The following CCDC181 variants were observed in gnomAD, a reference collection of about 807,000 sequenced individuals.
CCDC181 encodes the protein coiled-coil domain-containing protein 181.
A neutral mutation model predicts 58.7 loss-of-function variants in CCDC181; 35 were observed. The observed-to-expected ratio is 0.60, with a 90% CI of 0.46 to 0.79. The LOEUF (loss-of-function observed/expected upper bound fraction) is 0.79, where lower values mean the gene tolerates loss of function less well. CCDC181 is among the 30% of genes least tolerant of loss of function. The probability of loss-of-function intolerance (pLI) is 0.00; values close to 1 mark genes in which losing one functional copy is unlikely to be tolerated. For synonymous variants in CCDC181, 183 were observed against 197.5 expected (o/e 0.93, Z 0.62); for missense variants, 517 against 583.9 (o/e 0.89, Z 1.18).
Position 169,439,837 on chromosome 1 carries a change from A to G in CCDC181, c.-23-14887T>C, listed in dbSNP as rs550260384. 2.6e-5 allele frequency among the ~76,000 whole-genome samples: 4 copies of G among 152,150 alleles called. No individual in the cohort carries two copies. In the East Asian group the frequency reaches 7.7e-4, roughly 29 times the overall value. On this transcript the variant is annotated intron_variant, in intron 2 of 6. Transcript: ENST00000545005. ...GCTGGAAAGGGAATAGAGTGATAAG[A>G]TGATCTTTCCCTGAAGTTCAGCCAT...
At chr1:169,446,411 T>A (rs948662497) in intron 2 of CCDC181, among the ~76,000 whole-genome samples, 4 of 152,074 alleles carry the variant, frequency 2.6e-5, no homozygotes, top group African/African-American at 9.7e-5. Context: ...ACCACTGCAC[T>A]CCAGCCTGGT....
chr1:169,409,351 A>G (rs192460820), intron 4 of CCDC181, among the ~76,000 whole-genome samples: 4 of 152,308 alleles, frequency 2.6e-5, no homozygotes, highest in Admixed American at 2.6e-4. Context: ...AAAAGAATGA[A>G]AAGGAACAAA....
At position 169,435,641 on chromosome 1, in the gene CCDC181, G is replaced by A. The variant is rs115451510; in HGVS notation, c.-23-10691C>T. The stretch of plus-strand genomic sequence containing the variant: ...TGAGTTAATCCATGTACTTAGCCCA[G>A]TGCCTGATGCATACAAAGTGCTTAA... On this transcript the variant is annotated intron_variant, in intron 2 of 6. Transcript: ENST00000545005. Among the ~76,000 whole-genome samples the A allele has an allele frequency of 2.0e-3, 300 of 152,242 alleles. 4 individuals carry two copies. The highest frequency in any genetic ancestry group is 7.0e-3 in the African/African-American group (291 of 41,544).
At chr1:169,454,985 TC>T (rs1280486114) in intron 2 of CCDC181, among the ~76,000 whole-genome samples, 1 of 152,028 alleles carries the variant, frequency 6.6e-6, no homozygotes, top group Non-Finnish European at 1.5e-5. Context: ...TTAATTATTC[TC>T]TAAAATTTAT....
intron 4 of CCDC181, among the ~76,000 whole-genome samples, chr1:169,416,080 A>G (rs1392643620): frequency 1.3e-5 from 2 of 152,246 alleles, no homozygotes; most frequent in Non-Finnish European, 2.9e-5. Flanking sequence ...AGCTGTAAGA[A>G]TCGTGTTCTA....
At chr1:169,403,540 C>T (rs958006423) in intron 4 of CCDC181, among the ~76,000 whole-genome samples, 4 of 152,228 alleles carry the variant, frequency 2.6e-5, no homozygotes, top group Admixed American at 1.3e-4. Flanking sequence ...GGAAACTGAA[C>T]AACCTGCTCC....
intron 2 of CCDC181, among the ~76,000 whole-genome samples, chr1:169,445,170 C>G (rs1050839710): frequency 9.2e-5 from 14 of 152,136 alleles, no homozygotes; most frequent in African/African-American, 3.1e-4. Flanking sequence ...ATAGCTGGCT[C>G]CTTCCTATCG....
chr1:169,398,549 G>A (rs572668340), intron 4 of CCDC181, among the ~76,000 whole-genome samples: 1 of 152,212 alleles, frequency 6.6e-6, no homozygotes, highest in African/African-American at 2.4e-5. Flanking sequence ...CTAAAGTACT[G>A]GGTTGCATTA....
intron 2 of CCDC181, among the ~76,000 whole-genome samples, chr1:169,446,894 C>T (rs1041077100): frequency 3.3e-5 from 5 of 152,128 alleles, no homozygotes; most frequent in African/African-American, 1.2e-4. Context: ...CTAAACATTG[C>T]TTTTGTTGCA....
At chr1:169,458,125 C>T (rs2101764057) in intron 2 of CCDC181, among the ~76,000 whole-genome samples, 1 of 150,394 alleles carries the variant, frequency 6.6e-6, no homozygotes, top group East Asian at 1.9e-4. Context: ...TAGTGGCTAC[C>T]ATATTGAAAA....
At chr1:169,450,589 C>T (rs1657509306) in intron 2 of CCDC181, among the ~76,000 whole-genome samples, 1 of 152,112 alleles carries the variant, frequency 6.6e-6, no homozygotes, top group African/African-American at 2.4e-5. Flanking sequence ...CTACCTTTGA[C>T]TATTATAAAT....
upstream of CCDC181, among the ~76,000 whole-genome samples, chr1:169,428,261 G>T (rs926378515): frequency 6.6e-6 from 1 of 152,068 alleles, no homozygotes; most frequent in Non-Finnish European, 1.5e-5. Context: ...CCTAGATGTG[G>T]TGTAGTTGTA....
chr1:169,458,050 G>A (rs1039235458), intron 2 of CCDC181, among the ~76,000 whole-genome samples: 1 of 151,844 alleles, frequency 6.6e-6, no homozygotes, highest in Non-Finnish European at 1.5e-5. Context: ...ATTGCTTGTG[G>A]TTCTGGCTTA....
At chr1:169,433,958 G>T (rs1310082693) in intron 2 of CCDC181, among the ~76,000 whole-genome samples, 1 of 151,962 alleles carries the variant, frequency 6.6e-6, no homozygotes, top group East Asian at 1.9e-4. Context: ...AAATACTTTT[G>T]CTCACTAGAC....
At chr1:169,413,673 G>T (rs1207726349) in intron 4 of CCDC181, among the ~76,000 whole-genome samples, 3 of 152,132 alleles carry the variant, frequency 2.0e-5, no homozygotes, top group Non-Finnish European at 4.4e-5. Context: ...TATATACCAT[G>T]GAATAGTATG....
intron 2 of CCDC181, among the ~76,000 whole-genome samples, chr1:169,458,832 AAT>A (rs2101765040): frequency 1.3e-5 from 2 of 151,902 alleles, no homozygotes; most frequent in South Asian, 4.1e-4. Flanking sequence ...GGTGATTTTT[AAT>A]AGTCTTTAAT....
upstream of CCDC181, among the ~76,000 whole-genome samples, chr1:169,432,370 C>T (rs1190925330): frequency 1.3e-5 from 2 of 152,074 alleles, no homozygotes; most frequent in African/African-American, 4.8e-5. Flanking sequence ...AAATGGACCA[C>T]AGTCTGCATT....
intron 2 of CCDC181, among the ~76,000 whole-genome samples, chr1:169,456,430 A>C (rs1571522954): frequency 1.9e-5 from 1 of 52,698 alleles, no homozygotes; most frequent in Non-Finnish European, 6.6e-5. Context: ...AATCATTATT[A>C]ATTAGTAAAG....
chr1:169,457,899 A>G (rs780676190), intron 2 of CCDC181, among the ~76,000 whole-genome samples: 10 of 152,186 alleles, frequency 6.6e-5, no homozygotes, highest in Non-Finnish European at 1.5e-4. Context: ...AACATTTGCT[A>G]GACTTTTATG....
Sources: allele counts gnomAD v4.1 joint callset (sites outside exome capture counted in the v4.1 genomes callset), GRCh38; gene constraint gnomAD v4.1.1; transcripts MANE v1.5; gene names NCBI Gene and HGNC (gene_info 2026-07-23, HGNC 2026-07-21).